PRIM2: variants seen among roughly 807,000 people sequenced by gnomAD.
PRIM2 encodes DNA primase subunit 2, also known as DNA primase large subunit.
In PRIM2, 39 loss-of-function variants were observed where a neutral mutation model predicts 67.3. The observed-to-expected ratio is 0.58, with a 90% CI of 0.45 to 0.76. The LOEUF (loss-of-function observed/expected upper bound fraction) is 0.76. PRIM2 is among the 30% of genes least tolerant of loss of function. The pLI, the probability that PRIM2 is intolerant of heterozygous loss-of-function variation, is 0.00. For synonymous variants in PRIM2, 143 were observed against 198.7 expected (o/e 0.72, Z 2.36); for missense variants, 398 against 598.7 (o/e 0.66, Z 3.50).
rs1359766920 is a variant in PRIM2, at chr6:57,606,321, C to T, written c.1148-54C>T. On this transcript the variant is annotated intron_variant, in intron 11 of 13. Transcript: ENST00000615550. ...ATGGTCTCTCGAGTGTGGTGTTGTA[C>T]TAAGTTGTGGATAAATAACCTTGTT... 7 of 1,465,282 alleles carry T rather than the reference C, an allele frequency of 4.8e-6. No individual in the cohort carries two copies. In the South Asian group the frequency reaches 6.0e-5, roughly 13 times the overall value. The allele number at this position is 1,465,282 out of a possible 1,614,324, so 90.8% of individuals were successfully genotyped here.
At chr6:57,393,447 A>G (rs887178254) in intron 7 of PRIM2, among the ~76,000 whole-genome samples, 3 of 152,162 alleles carry the variant, frequency 2.0e-5, no homozygotes, top group African/African-American at 4.8e-5. Flanking sequence ...GGCCATTTGT[A>G]TATCTTCTTT....
At chr6:57,448,878 A>G (rs2127389049) in intron 7 of PRIM2, among the ~76,000 whole-genome samples, 1 of 152,266 alleles carries the variant, frequency 6.6e-6, no homozygotes, top group Non-Finnish European at 1.5e-5. Flanking sequence ...CAGTCTTATG[A>G]TCTCTGTTTT....
chr6:57,582,945 A>G (rs1404034364), intron 10 of PRIM2, among the ~76,000 whole-genome samples: 1 of 49,614 alleles, frequency 2.0e-5, no homozygotes, highest in Non-Finnish European at 3.5e-5. Context: ...CCCTCCCCCC[A>G]CCCCACAACA....
intron 12 of PRIM2, among the ~76,000 whole-genome samples, chr6:57,617,019 C>G (rs1776768304): frequency 1.3e-5 from 2 of 152,302 alleles, no homozygotes; most frequent in South Asian, 2.1e-4. Flanking sequence ...TTGATGGACA[C>G]TGGGTTGTTT....
intron 10 of PRIM2, among the ~76,000 whole-genome samples, chr6:57,584,510 C>T (rs1776154913): frequency 6.6e-6 from 1 of 152,176 alleles, no homozygotes; most frequent in African/African-American, 2.4e-5. Context: ...AATTTTAAAA[C>T]TGTGTCTTGA....
intron 13 of PRIM2, among the ~76,000 whole-genome samples, chr6:57,635,479 T>C (rs1426923270): frequency 1.3e-5 from 2 of 152,240 alleles, no homozygotes; most frequent in Non-Finnish European, 2.9e-5. Flanking sequence ...GCATATTCCA[T>C]GTATAAATGA....
chr6:57,254,680 G>A, the PRIM2 span, among the ~76,000 whole-genome samples: 1 of 149,726 alleles, frequency 6.7e-6, no homozygotes, highest in Non-Finnish European at 1.5e-5. Context: ...TTTTATTGGA[G>A]GTCTGAAGAA....
At chr6:57,590,886 C>CT (rs1776271281) in intron 10 of PRIM2, among the ~76,000 whole-genome samples, 2 of 152,166 alleles carry the variant, frequency 1.3e-5, no homozygotes, top group African/African-American at 4.8e-5. Flanking sequence ...GATATAACTC[C>CT]TTTTTTACAT....
chr6:57,390,894 A>G (rs1162316546), intron 7 of PRIM2, among the ~76,000 whole-genome samples: 1 of 152,176 alleles, frequency 6.6e-6, no homozygotes, highest in Non-Finnish European at 1.5e-5. Context: ...TCCTCTGGGT[A>G]TATACCCAGT....
chr6:57,469,737 A>G (rs1773292249), intron 7 of PRIM2, among the ~76,000 whole-genome samples: 1 of 152,172 alleles, frequency 6.6e-6, no homozygotes, highest in African/African-American at 2.4e-5. Context: ...TCATACATGT[A>G]GCTACATATT....
intron 5 of PRIM2, among the ~76,000 whole-genome samples, chr6:57,350,743 A>G (rs1399102143): frequency 6.6e-6 from 1 of 152,118 alleles, no homozygotes; most frequent in South Asian, 2.1e-4. Context: ...CAGCTTGAAC[A>G]CAGACATAGG....
rs1466127529 is a variant in PRIM2 at position 57,513,015 on chromosome 6, C to A, written c.761+5561C>A. On this transcript the variant is annotated intron_variant, in intron 8 of 13. Coordinates refer to ENST00000615550, the MANE Select transcript of PRIM2 (RefSeq NM_000947.5). ...CATTTTTCAAAATTGATACCAGGAA[C>A]TTTTCTATTGGAAGAAATAAACTTA... Among the ~76,000 whole-genome samples, 180 of 152,216 alleles carry A rather than the reference C, an allele frequency of 1.2e-3. 1 individual carries two copies. The highest frequency in any genetic ancestry group is 4.2e-3 in the African/African-American group (176 of 41,532).
intron 5 of PRIM2, among the ~76,000 whole-genome samples, chr6:57,330,860 A>G (rs772645012): frequency 3.8e-4 from 57 of 151,998 alleles, no homozygotes; most frequent in Non-Finnish European, 1.5e-4. Context: ...ACCAATTGAG[A>G]TGATCATGTG....
the PRIM2 span, chr6:57,221,782 G>T: frequency 6.6e-6 from 1 of 152,382 alleles, no homozygotes; most frequent in South Asian, 2.1e-4. Context: ...TCTCTAGCTG[G>T]AACTTGGGAT....
At chr6:57,336,507 T>C (rs922814351) in intron 5 of PRIM2, among the ~76,000 whole-genome samples, 3 of 152,222 alleles carry the variant, frequency 2.0e-5, no homozygotes, top group Admixed American at 6.5e-5. Context: ...TAACAGTGGA[T>C]CTCTCGGCAC....
intron 7 of PRIM2, among the ~76,000 whole-genome samples, chr6:57,401,060 A>T (rs1329154206): frequency 6.6e-6 from 1 of 152,050 alleles, no homozygotes; most frequent in African/African-American, 2.4e-5. Context: ...AGTCTTGATG[A>T]TCTTTATTCC....
At chr6:57,500,912 C>A (rs2127457472) in intron 7 of PRIM2, among the ~76,000 whole-genome samples, 1 of 152,298 alleles carries the variant, frequency 6.6e-6, no homozygotes, top group East Asian at 1.9e-4. Flanking sequence ...GTCTCCAGAG[C>A]TTTACTTCTT....
At chr6:57,372,809 A>G (rs1769609326) in intron 5 of PRIM2, among the ~76,000 whole-genome samples, 1 of 152,212 alleles carries the variant, frequency 6.6e-6, no homozygotes, top group African/African-American at 2.4e-5. Flanking sequence ...GCTGCATAGT[A>G]TTCCGTGGTG....
chr6:57,548,304 GT>G (rs1775330232), intron 10 of PRIM2, among the ~76,000 whole-genome samples: 2 of 152,106 alleles, frequency 1.3e-5, no homozygotes, highest in Non-Finnish European at 2.9e-5. Flanking sequence ...AGATTTCCTG[GT>G]CTTAGCATAC....
Sources: allele counts gnomAD v4.1 joint callset (sites outside exome capture counted in the v4.1 genomes callset), GRCh38; gene constraint gnomAD v4.1.1; transcripts MANE v1.5; gene names NCBI Gene and HGNC (gene_info 2026-07-23, HGNC 2026-07-21).